DNAI3: variants seen among roughly 807,000 people sequenced by gnomAD.
DNAI3 encodes WD repeat domain 63.
In DNAI3, 83 loss-of-function variants were observed where a neutral mutation model predicts 115.5. That is an observed-to-expected ratio of 0.72 (90% CI 0.60 to 0.86). The LOEUF is 0.86. Ranked by LOEUF, DNAI3 falls within the 40% of genes least tolerant of loss-of-function variation. The probability of loss-of-function intolerance (pLI) is 0.00; values close to 1 mark genes in which losing one functional copy is unlikely to be tolerated. For synonymous variants in DNAI3, 320 were observed against 347.0 expected, an observed-to-expected ratio of 0.92 and a Z score of 0.86; for missense variants, 1,004 against 1,075.8, an observed-to-expected ratio of 0.93 and a Z score of 0.93.
At chr1:85,067,950 T>G (rs1274620851) in intron 1 of DNAI3, among the ~76,000 whole-genome samples, 1 of 152,168 alleles carries the variant, frequency 6.6e-6, no homozygotes, top group African/African-American at 2.4e-5. Context: ...GATAATAGAT[T>G]TGTGTAGTTT....
In DNAI3 at chr1:85,097,605, A is replaced by G. The variant is rs755111019; in HGVS notation, c.1300A>G (p.Ile434Val). The change falls in exon 12 of 23, where the codon ATA becomes GTA. Residue 434 changes from isoleucine to valine, a missense_variant. Around this residue, in one of 3 missense-constraint regions of DNAI3, gnomAD observed 550 missense variants for 568.1 expected, o/e 0.97. Transcript: ENST00000294664. The stretch of plus-strand genomic sequence containing the variant: ...GGATATCACCGCACATGCAGATCGC[A>G]TAGAAAACATTAAGGCAGGTGGTAG... ...MWDITAHADR[I>V]ENIKAGGSRS... The G allele has an allele frequency of 1.9e-6, 3 of 1,613,376 alleles. No individual in the cohort carries two copies. The highest frequency in any genetic ancestry group is 2.5e-6 in the Non-Finnish European group (3 of 1,179,686).
At chr1:85,104,118 T>G in intron 13 of DNAI3, among the ~76,000 whole-genome samples, 1 of 149,796 alleles carries the variant, frequency 6.7e-6, no homozygotes, top group African/African-American at 2.5e-5. Context: ...TAGTGGTATG[T>G]CCTTTTTTTT....
At chr1:85,082,037 C>G (rs1009132156) in intron 4 of DNAI3, among the ~76,000 whole-genome samples, 1 of 152,190 alleles carries the variant, frequency 6.6e-6, no homozygotes, top group Non-Finnish European at 1.5e-5. Context: ...ATGCATGCTA[C>G]AGAGCACAAT....
At chr1:85,130,462 G>A (rs988205813) in intron 22 of DNAI3, among the ~76,000 whole-genome samples, 1 of 152,106 alleles carries the variant, frequency 6.6e-6, no homozygotes, top group African/African-American at 2.4e-5. Context: ...CAAGACACGT[G>A]GGCTCAAATC....
chr1:85,093,423 A>G (rs1311514972), intron 8 of DNAI3, 35 bp from the exon 9 acceptor site: 1 of 1,577,326 alleles, frequency 6.3e-7, no homozygotes, highest in Non-Finnish European at 8.6e-7. Context: ...CTAAAAACCA[A>G]TATCTTAATT....
At chr1:85,071,093 C>T (rs1387203106) in intron 1 of DNAI3, among the ~76,000 whole-genome samples, 4 of 152,212 alleles carry the variant, frequency 2.6e-5, no homozygotes, top group Non-Finnish European at 4.4e-5. Context: ...CACTTTATTT[C>T]ATTAAGTCTT....
At chr1:85,070,001 G>A (rs1654217711) in intron 1 of DNAI3, among the ~76,000 whole-genome samples, 1 of 152,134 alleles carries the variant, frequency 6.6e-6, no homozygotes, top group Non-Finnish European at 1.5e-5. Flanking sequence ...GGTGGCTCAT[G>A]CCTGTAATCC....
In DNAI3 at chr1:85,094,530, G is replaced by C. The variant is rs1655072516; in HGVS notation, c.1148G>C (p.Ser383Thr). 9 of 1,614,128 alleles carry C rather than the reference G, an allele frequency of 5.6e-6. No homozygotes were observed. The highest frequency in any genetic ancestry group is 7.6e-6 in the Non-Finnish European group (9 of 1,180,028). The change falls in exon 10 of 23, where the codon AGC (serine) becomes ACC (threonine). Residue 383 changes from serine to threonine, a missense_variant. Ser to Thr is a moderately conservative substitution (Grantham distance 58). Around this residue, in one of 3 missense-constraint regions of DNAI3, gnomAD observed 550 missense variants for 568.1 expected, o/e 0.97. Transcript: ENST00000294664. Reference protein sequence around the residue: ...LLQPSLILFWSFSDPIHPQLM... With the variant: ...LLQPSLILFWTFSDPIHPQLM... Reference sequence around the variant, plus strand: ...CAGCCATCACTGATTCTTTTCTGGAGCTTCTCTGATCCTATACATCCTCAG... The same window carrying C: ...CAGCCATCACTGATTCTTTTCTGGACCTTCTCTGATCCTATACATCCTCAG...
intron 7 of DNAI3, among the ~76,000 whole-genome samples, chr1:85,087,327 T>C (rs755288712): frequency 4.1e-4 from 62 of 149,468 alleles, no homozygotes; most frequent in Non-Finnish European, 7.4e-4. Context: ...TCCCAGCTAC[T>C]TGGGAGGCTG....
chr1:85,066,123 A>G (rs1005801919), intron 1 of DNAI3, among the ~76,000 whole-genome samples: 9 of 152,168 alleles, frequency 5.9e-5, no homozygotes, highest in Non-Finnish European at 1.3e-4. Flanking sequence ...TTAATTTACA[A>G]AGAAAATAAG....
chr1:85,121,919 G>A, intron 18 of DNAI3, 105 bp downstream of exon 18: 1 of 1,223,272 alleles, frequency 8.2e-7, no homozygotes, highest in Non-Finnish European at 1.2e-6. Context: ...GCTAATGGGA[G>A]GGAAGGCTCC....
At chr1:85,129,871 G>C in intron 21 of DNAI3, 119 bp from the exon 22 acceptor site, 3 of 1,096,356 alleles carry the variant, frequency 2.7e-6, no homozygotes, top group Non-Finnish European at 3.9e-6. Context: ...AGTAGATTAG[G>C]GAGGTAGATT....
chr1:85,070,624 G>A (rs151013291), intron 1 of DNAI3, among the ~76,000 whole-genome samples: 204 of 152,266 alleles, frequency 1.3e-3, no homozygotes, highest in African/African-American at 4.7e-3. Context: ...TAGAAGAATT[G>A]TAATGTTCCC....
Position 85,132,994 on chromosome 1 carries a change from T to C in DNAI3, c.2672T>C (p.Met891Thr), listed in dbSNP as rs1304915869. 2 of 1,607,448 alleles carry C rather than the reference T, an allele frequency of 1.2e-6. No individual in the cohort carries two copies. The highest frequency in any genetic ancestry group is 1.1e-5 in the South Asian group (1 of 89,252). ...VTEKGSYMEV[M>T] ...GAGAAGGGGTCATACATGGAGGTGA[T>C]GTAAAAAAGCTTCCTGAAGGGGTGT... Residue 891 changes from methionine to threonine, a missense_variant, in exon 23 of 23, where the codon ATG (methionine) becomes ACG (threonine). Transcript: ENST00000294664.
In DNAI3 at chr1:85,073,070, A is replaced by G. The variant is rs776219814; in HGVS notation, c.81A>G (p.Glu27=). Reference sequence around the variant, plus strand: ...ATATTCTAGCTAGTGAAGACATGGAACCAGTAAATATGGAGAGCATGGGTA... The same window carrying G: ...ATATTCTAGCTAGTGAAGACATGGAGCCAGTAAATATGGAGAGCATGGGTA... ...KPVLAASEDM[E]PVNMESMGHP... The change falls in exon 3 of 23, where the codon GAA becomes GAG. Residue 27 remains glutamate (E), a synonymous_variant. Coordinates refer to ENST00000294664, the MANE Select transcript of DNAI3 (RefSeq NM_145172.5). 4 of 1,552,460 alleles carry G rather than the reference A, an allele frequency of 2.6e-6. No homozygotes were observed. In the South Asian group the frequency reaches 5.1e-5, roughly 20 times the overall value.
chr1:85,129,933 T>C, intron 21 of DNAI3, 57 bp from the exon 22 acceptor site: 2 of 1,558,850 alleles, frequency 1.3e-6, no homozygotes, highest in Non-Finnish European at 1.7e-6. Flanking sequence ...CAGAGCCTTG[T>C]AAAGGTCATG....
chr1:85,072,114 A>G (rs1571154060), intron 2 of DNAI3, 109 bp downstream of exon 2: 2 of 1,090,834 alleles, frequency 1.8e-6, no homozygotes. Context: ...TATTTCTGTG[A>G]CATAAAGTCA....
At chr1:85,071,675 G>T (rs1654279944) in intron 1 of DNAI3, among the ~76,000 whole-genome samples, 2 of 152,272 alleles carry the variant, frequency 1.3e-5, no homozygotes, top group South Asian at 2.1e-4. Flanking sequence ...CTGAGACTTT[G>T]TTCTGGCAGG....
At chr1:85,079,861 GA>G (rs1257287248) in intron 3 of DNAI3, among the ~76,000 whole-genome samples, 5 of 151,890 alleles carry the variant, frequency 3.3e-5, no homozygotes, top group Non-Finnish European at 5.9e-5. Context: ...AGCCAGATGG[GA>G]GGAAAGGGAT....
Sources: allele counts gnomAD v4.1 joint callset (sites outside exome capture counted in the v4.1 genomes callset), GRCh38; gene constraint gnomAD v4.1.1; regional missense constraint gnomAD v4.1.1; transcripts MANE v1.5; gene names NCBI Gene and HGNC (gene_info 2026-07-23, HGNC 2026-07-21).